Variants in EYS observed in about 807,000 individuals in gnomAD.
The protein encoded by EYS is EGF-like photoreceptor maintenance factor.
In EYS, 250 loss-of-function variants were observed where a neutral mutation model predicts 282.1. The observed-to-expected ratio is 0.89, with a 90% confidence interval of 0.80 to 0.98. The LOEUF is 0.98. Among genes scored for constraint, EYS ranks in the 50% least tolerant of loss-of-function variants. The probability of loss-of-function intolerance (pLI) is 0.00; values close to 1 mark genes in which losing one functional copy is unlikely to be tolerated. For synonymous variants in EYS, 1,355 were observed against 1,282.9 expected (o/e 1.06, Z -1.20); for missense variants, 4,016 against 3,709.0 (o/e 1.08, Z -2.15).
intron 31 of EYS, among the ~76,000 whole-genome samples, chr6:64,205,417 TGACCTGATG>T (rs1765583449): frequency 6.6e-6 from 1 of 152,150 alleles, no homozygotes; most frequent in African/African-American, 2.4e-5. Context: ...CTGACGATAA[TGACCTGATG>T]GATTTCAATT....
intron 22 of EYS, among the ~76,000 whole-genome samples, chr6:64,765,680 C>T (rs1368058485): frequency 6.6e-6 from 1 of 152,076 alleles, no homozygotes; most frequent in African/African-American, 2.4e-5. Context: ...GAAGCAAGCA[C>T]CTTCTTCACA....
intron 12 of EYS, among the ~76,000 whole-genome samples, chr6:65,181,591 C>T (rs1765385420): frequency 6.6e-6 from 1 of 152,100 alleles, no homozygotes; most frequent in South Asian, 2.1e-4. Context: ...GAAATAGGAA[C>T]ACTTTCACAC....
chr6:65,553,845 C>T (rs3857535), intron 2 of EYS, among the ~76,000 whole-genome samples: 6 of 151,806 alleles, frequency 4.0e-5, no homozygotes, highest in Non-Finnish European at 8.8e-5. Flanking sequence ...TTTATTATTA[C>T]ATACTCATAT....
At chr6:64,620,025 C>T (rs1370112264) in intron 23 of EYS, among the ~76,000 whole-genome samples, 1 of 151,912 alleles carries the variant, frequency 6.6e-6, no homozygotes, top group Non-Finnish European at 1.5e-5. Context: ...AGACAACAAA[C>T]AAGGATAGAA....
chr6:63,875,049 C>G (rs1562072487), intron 35 of EYS, among the ~76,000 whole-genome samples: 1 of 152,074 alleles, frequency 6.6e-6, no homozygotes. Context: ...TGTCTTGTGC[C>G]AGTTTTCAAA....
intron 30 of EYS, among the ~76,000 whole-genome samples, chr6:64,297,799 G>A (rs908820650): frequency 5.3e-5 from 8 of 151,932 alleles, no homozygotes; most frequent in African/African-American, 1.9e-4. Flanking sequence ...CCAACATTGT[G>A]AAACACCATC....
At chr6:64,214,290 T>C (rs1486920023) in intron 31 of EYS, among the ~76,000 whole-genome samples, 2 of 152,132 alleles carry the variant, frequency 1.3e-5, no homozygotes, top group African/African-American at 4.8e-5. Flanking sequence ...TAATCTTAAG[T>C]GGCTCTTTTG....
intron 2 of EYS, among the ~76,000 whole-genome samples, chr6:65,538,015 T>A (rs928102696): frequency 6.6e-6 from 1 of 152,180 alleles, no homozygotes; most frequent in Admixed American, 6.6e-5. Flanking sequence ...GGAAAGTTAC[T>A]TACACCTTTC....
At chr6:64,004,573 A>G (rs139602197) in intron 33 of EYS, among the ~76,000 whole-genome samples, 287 of 152,174 alleles carry the variant, frequency 1.9e-3, no homozygotes, top group African/African-American at 6.6e-3. Context: ...TAAGCATAGT[A>G]CTGTTAGGTA....
chr6:63,741,530 C>A (rs900007751), intron 41 of EYS, among the ~76,000 whole-genome samples: 1 of 152,116 alleles, frequency 6.6e-6, no homozygotes, highest in African/African-American at 2.4e-5. Context: ...CACAGACTGG[C>A]ATAATATCAA....
intron 30 of EYS, among the ~76,000 whole-genome samples, chr6:64,305,260 T>C (rs1412544359): frequency 6.6e-6 from 1 of 151,898 alleles, no homozygotes; most frequent in Non-Finnish European, 1.5e-5. Flanking sequence ...CTGAAAGAAA[T>C]AGAGACATAA....
intron 22 of EYS, among the ~76,000 whole-genome samples, chr6:64,648,296 C>G (rs902598305): frequency 1.3e-5 from 2 of 152,238 alleles, no homozygotes; most frequent in South Asian, 2.1e-4. Context: ...TGTGTGACAA[C>G]CATAGACTCC....
intron 2 of EYS, among the ~76,000 whole-genome samples, chr6:65,587,426 A>G (rs928433288): frequency 6.6e-6 from 1 of 152,070 alleles, no homozygotes; most frequent in African/African-American, 2.4e-5. Flanking sequence ...CATGATAGTG[A>G]GAAAGTTCTC....
chr6:65,331,573 A>T, intron 11 of EYS: 1 of 972,896 alleles, frequency 1.0e-6, no homozygotes, highest in Non-Finnish European at 1.2e-6. Context: ...TTGATAAATT[A>T]CAAAAATTTT....
intron 5 of EYS, 54 bp from the exon 6 acceptor site, chr6:65,405,421 A>C: frequency 5.1e-6 from 7 of 1,379,690 alleles, no homozygotes; most frequent in South Asian, 1.2e-5. Context: ...GGAAAGAAGA[A>C]ATGAGCATAG....
At chr6:64,343,444 C>T (rs1457852471) in intron 29 of EYS, among the ~76,000 whole-genome samples, 2 of 152,078 alleles carry the variant, frequency 1.3e-5, no homozygotes, top group Non-Finnish European at 2.9e-5. Context: ...GAACAACCTG[C>T]TCCTGAATGA....
intron 29 of EYS, among the ~76,000 whole-genome samples, chr6:64,346,690 C>T (rs906961787): frequency 2.0e-5 from 3 of 151,594 alleles, no homozygotes; most frequent in Non-Finnish European, 4.4e-5. Flanking sequence ...TACCCTAAAA[C>T]TTAAAGTATA....
At chr6:64,962,008 A>C (rs1769936646) in intron 14 of EYS, among the ~76,000 whole-genome samples, 2 of 152,182 alleles carry the variant, frequency 1.3e-5, no homozygotes, top group Non-Finnish European at 2.9e-5. Context: ...GTCACCAAAA[A>C]CATAATCATA....
intron 22 of EYS, among the ~76,000 whole-genome samples, chr6:64,783,259 C>T (rs1273920005): frequency 6.6e-6 from 1 of 151,800 alleles, no homozygotes; most frequent in Non-Finnish European, 1.5e-5. Context: ...TCTTACTGTG[C>T]CTAATTTATG....
Sources: gnomAD v4.1 joint callset for allele counts (sites outside exome capture counted in the v4.1 genomes callset) on GRCh38, gnomAD v4.1.1 for gene constraint, MANE v1.5 for transcripts, NCBI Gene and HGNC (gene_info 2026-07-23, HGNC 2026-07-21) for gene names.